Variants in CAMSAP2 observed in about 807,000 individuals in gnomAD.
CAMSAP2 encodes the protein calmodulin regulated spectrin associated protein family member 2.
CAMSAP2 carries 26 observed loss-of-function variants against 146.1 expected under a neutral mutation model. The observed-to-expected ratio is 0.18, with a 90% confidence interval of 0.13 to 0.25. CAMSAP2 has a LOEUF of 0.25. CAMSAP2 is among the 10% of genes least tolerant of loss of function. The pLI is 1.00. For missense variants in CAMSAP2, 1,381 were observed against 1,759.3 expected (o/e 0.78, Z 3.85); for synonymous variants, 499 against 596.6 (o/e 0.84, Z 2.38).
intron 1 of CAMSAP2, among the ~76,000 whole-genome samples, chr1:200,746,739 C>T (rs748626509): frequency 1.4e-4 from 21 of 152,084 alleles, no homozygotes; most frequent in Admixed American, 3.3e-4. Context: ...CTGCCTCAGC[C>T]TCCCGAGTAG....
intron 2 of CAMSAP2, among the ~76,000 whole-genome samples, chr1:200,779,775 A>G (rs893024070): frequency 2.0e-5 from 3 of 151,770 alleles, no homozygotes; most frequent in Non-Finnish European, 4.4e-5. Context: ...CTGGTTGATC[A>G]TGTTTTTGGT....
chr1:200,814,454 TA>T (rs1473547337), intron 3 of CAMSAP2, among the ~76,000 whole-genome samples: 1 of 151,086 alleles, frequency 6.6e-6, no homozygotes, highest in Non-Finnish European at 1.5e-5. Context: ...TAGAAATATT[TA>T]AAAAATTAGC....
At chr1:200,845,652 G>A (rs1221749898) in intron 8 of CAMSAP2, among the ~76,000 whole-genome samples, 1 of 152,096 alleles carries the variant, frequency 6.6e-6, no homozygotes, top group Non-Finnish European at 1.5e-5. Context: ...CATCCACCCA[G>A]CTTGTGTAGT....
intron 2 of CAMSAP2, among the ~76,000 whole-genome samples, chr1:200,799,297 C>G (rs1441105930): frequency 4.6e-5 from 7 of 151,844 alleles, no homozygotes; most frequent in Non-Finnish European, 1.0e-4. Flanking sequence ...CCGTCTAGTC[C>G]TGGGGTTTTT....
chr1:200,823,198 C>G (rs1208987053), intron 4 of CAMSAP2, among the ~76,000 whole-genome samples: 1 of 152,140 alleles, frequency 6.6e-6, no homozygotes, highest in East Asian at 1.9e-4. Flanking sequence ...TTTTCTTCTT[C>G]CACCCATCTA....
At chr1:200,781,226 C>T (rs1252132823) in intron 2 of CAMSAP2, among the ~76,000 whole-genome samples, 1 of 152,176 alleles carries the variant, frequency 6.6e-6, no homozygotes, top group Non-Finnish European at 1.5e-5. Context: ...AGCTATAAAA[C>T]ACAAACATAC....
At chr1:200,741,347 G>C (rs1027988747) in intron 1 of CAMSAP2, among the ~76,000 whole-genome samples, 2 of 152,146 alleles carry the variant, frequency 1.3e-5, no homozygotes, top group African/African-American at 4.8e-5. Context: ...GTAACTCATA[G>C]GAAGAAACAC....
chr1:200,822,293 G>A (rs1376341105), intron 4 of CAMSAP2, among the ~76,000 whole-genome samples: 4 of 151,922 alleles, frequency 2.6e-5, no homozygotes, highest in African/African-American at 2.4e-5. Context: ...GACAGTACAG[G>A]TAATTTAATG....
rs546841690 is a variant in CAMSAP2, at chr1:200,739,172, G to A, written c.-656G>A. On this transcript the variant is annotated 5_prime_UTR_variant, in exon 1 of 17. Coordinates refer to ENST00000358823, the MANE Select transcript of CAMSAP2 (RefSeq NM_203459.4). This position sits in a 1 kb window ranked among gnomAD's most constrained non-coding sequence, Gnocchi z 4.8. Reference sequence around the variant, plus strand: ...CGGGAGGGAGCACAGAGGAGGGGACGGGCCGGCGGCGGCCTGTGAGCCGCA... The same window carrying A: ...CGGGAGGGAGCACAGAGGAGGGGACAGGCCGGCGGCGGCCTGTGAGCCGCA... 6.6e-6 allele frequency among the ~76,000 whole-genome samples: 1 copy of A among 152,056 alleles called. No individual in the cohort carries two copies. The highest frequency in any genetic ancestry group is 2.4e-5 in the African/African-American group (1 of 41,408).
At chr1:200,806,731 A>T in intron 2 of CAMSAP2, among the ~76,000 whole-genome samples, 1 of 148,750 alleles carries the variant, frequency 6.7e-6, no homozygotes, top group Admixed American at 6.9e-5. Flanking sequence ...TTTTTTTAGA[A>T]CTTCCATATA....
rs192238851 is a variant in CAMSAP2 at position 200,807,601 on chromosome 1, T to C, written c.561+64T>C. ...CCAGAAAACGTGAAATTCTAAATTATACATTGCCACTTCATTACTCTTTTT... is the reference window on the plus strand; with the variant it reads ...CCAGAAAACGTGAAATTCTAAATTACACATTGCCACTTCATTACTCTTTTT... On this transcript the variant is annotated intron_variant, in intron 3 of 16. Transcript: ENST00000358823. 464 of 1,219,736 alleles carry C rather than the reference T, an allele frequency of 3.8e-4. No homozygotes were observed. The African/African-American group carries it at 6.2e-3, about 16-fold the overall frequency. The allele number at this position is 1,219,736 out of a possible 1,614,324, so 75.6% of individuals were successfully genotyped here.
At chr1:200,822,974 A>G (rs1421081966) in intron 4 of CAMSAP2, among the ~76,000 whole-genome samples, 1 of 152,178 alleles carries the variant, frequency 6.6e-6, no homozygotes, top group Non-Finnish European at 1.5e-5. Flanking sequence ...GGGGACAGCT[A>G]TATTATGTTT....
At chr1:200,802,925 A>G (rs1042798274) in intron 2 of CAMSAP2, among the ~76,000 whole-genome samples, 2 of 152,192 alleles carry the variant, frequency 1.3e-5, no homozygotes, top group African/African-American at 4.8e-5. Context: ...TGGCCTTTGG[A>G]TGATACTTCA....
intron 3 of CAMSAP2, among the ~76,000 whole-genome samples, chr1:200,810,409 G>A (rs573973723): frequency 5.6e-4 from 85 of 152,048 alleles, no homozygotes; most frequent in East Asian, 1.7e-3. Flanking sequence ...GTGAAACCCC[G>A]TTCTGAAAAT....
At position 200,857,514 on chromosome 1, in the gene CAMSAP2, C is replaced by G; in HGVS notation, c.4131+90C>G. 2.2e-6 allele frequency: 2 copies of G among 906,444 alleles called. No individual in the cohort carries two copies. The highest frequency in any genetic ancestry group is 1.8e-6 in the Non-Finnish European group (1 of 570,050). The allele number at this position is 906,444 out of a possible 1,614,324, so 56.2% of individuals were successfully genotyped here. On this transcript the variant is annotated intron_variant, in intron 16 of 16. Transcript: ENST00000358823. This position sits in a 1 kb window ranked among gnomAD's most constrained non-coding sequence, Gnocchi z 4.7. ...ATGTACTCTCATGGGCCTAGACTTT[C>G]AACAGCATGTAAAAAGATCTGTAGC...
At chr1:200,836,878 C>T (rs1667198782) in intron 6 of CAMSAP2, among the ~76,000 whole-genome samples, 2 of 152,048 alleles carry the variant, frequency 1.3e-5, no homozygotes, top group South Asian at 2.1e-4. Flanking sequence ...TTGTTGGCCG[C>T]GTGTATGTCT....
At chr1:200,815,684 G>T in intron 4 of CAMSAP2, 40 bp downstream of exon 4, 1 of 980,222 alleles carries the variant, frequency 1.0e-6, no homozygotes, top group Non-Finnish European at 1.5e-6. Flanking sequence ...TTATGAGACT[G>T]TATATATGTT....
chr1:200,785,683 C>T (rs556431573), intron 2 of CAMSAP2, among the ~76,000 whole-genome samples: 5 of 149,406 alleles, frequency 3.3e-5, no homozygotes, highest in African/African-American at 1.2e-4. Context: ...AGCCATGTGC[C>T]TGGCTGATAT....
In CAMSAP2 at chr1:200,739,371, A is replaced by C. The variant is rs141708972; in HGVS notation, c.-457A>C. The stretch of plus-strand genomic sequence containing the variant: ...GAGAGGGAGGCGAGGGCGTGCGGGC[A>C]TCGCGATGGCGGGGACATTTTCCAC... On this transcript the variant is annotated 5_prime_UTR_variant, in exon 1 of 17. Coordinates refer to ENST00000358823, the MANE Select transcript of CAMSAP2 (RefSeq NM_203459.4). This position sits in a 1 kb window ranked among gnomAD's most constrained non-coding sequence, Gnocchi z 4.8. 1.1e-3 allele frequency among the ~76,000 whole-genome samples: 164 copies of C among 152,242 alleles called. No homozygotes were observed. Among genetic ancestry groups the C allele is most frequent in the African/African-American group, 3.8e-3 (157 of 41,548 alleles).
Sources: gnomAD v4.1 joint callset for allele counts (sites outside exome capture counted in the v4.1 genomes callset) on GRCh38, gnomAD v4.1.1 for gene constraint, Gnocchi (gnomAD v3.1) non-coding constraint, MANE v1.5 for transcripts, NCBI Gene and HGNC (gene_info 2026-07-23, HGNC 2026-07-21) for gene names.